ARK2C: variants seen among roughly 807,000 people sequenced by gnomAD.
ARK2C encodes E3 ubiquitin-protein ligase ARK2C.
chr18:46,421,068 A>C, the ARK2C span, among the ~76,000 whole-genome samples: 4 of 152,082 alleles, frequency 2.6e-5, no homozygotes, highest in African/African-American at 9.7e-5. Context: ...TGGGTCTGAA[A>C]TTGCTTCTTC....
chr18:46,385,519 C>G, the ARK2C span, among the ~76,000 whole-genome samples: 1 of 152,200 alleles, frequency 6.6e-6, no homozygotes, highest in Admixed American at 6.5e-5. Flanking sequence ...AGAGAACAGG[C>G]TCTGGAGCTC....
the ARK2C span, chr18:46,460,137 A>G: frequency 6.5e-6 from 1 of 152,708 alleles, no homozygotes; most frequent in Admixed American, 6.5e-5. Flanking sequence ...GCCTCCGTGC[A>G]AGTATTCTTA....
the ARK2C span, among the ~76,000 whole-genome samples, chr18:46,351,616 C>T: frequency 6.6e-6 from 1 of 152,300 alleles, no homozygotes; most frequent in Admixed American, 6.5e-5. Context: ...ATGAGGGGCA[C>T]ATCAGGGGCT....
chr18:46,337,415 A>T, the ARK2C span: 1 of 985,246 alleles, frequency 1.0e-6, no homozygotes, highest in Non-Finnish European at 1.2e-6. Flanking sequence ...ATTTTTTTAC[A>T]TCCCCCAGTT....
At chr18:46,400,344 G>A in the ARK2C span, among the ~76,000 whole-genome samples, 6 of 152,168 alleles carry the variant, frequency 3.9e-5, no homozygotes, top group South Asian at 2.1e-4. Flanking sequence ...TGTGTTCCCC[G>A]GAACAGGGAT....
At chr18:46,359,132 G>A in the ARK2C span, among the ~76,000 whole-genome samples, 9 of 152,322 alleles carry the variant, frequency 5.9e-5, no homozygotes, top group East Asian at 5.8e-4. Flanking sequence ...AGAGGAAGAC[G>A]TTAGAAGCTA....
the ARK2C span, among the ~76,000 whole-genome samples, chr18:46,369,196 T>C: frequency 1.3e-5 from 2 of 152,222 alleles, no homozygotes; most frequent in East Asian, 1.9e-4. Flanking sequence ...AAGCTTGTTG[T>C]ATCTAGAAGC....
chr18:46,446,670 C>CAAAAAAAAAAA, the ARK2C span, among the ~76,000 whole-genome samples: 1 of 34,396 alleles, frequency 2.9e-5, no homozygotes. Context: ...GACTCCATCT[C>CAAAAAAAAAAA]AAAAAAAAAA....
chr18:46,363,263 G>A, the ARK2C span, among the ~76,000 whole-genome samples: 1 of 152,214 alleles, frequency 6.6e-6, no homozygotes, highest in Admixed American at 6.5e-5. Context: ...CTGAAGATGA[G>A]CAGCACTCTT....
At chr18:46,412,513 G>C in the ARK2C span, among the ~76,000 whole-genome samples, 2 of 152,234 alleles carry the variant, frequency 1.3e-5, no homozygotes, top group Non-Finnish European at 1.5e-5. Flanking sequence ...GCCTCATACT[G>C]AGTGCAGCCC....
the ARK2C span, among the ~76,000 whole-genome samples, chr18:46,369,846 C>A: frequency 6.6e-6 from 1 of 152,198 alleles, no homozygotes; most frequent in Non-Finnish European, 1.5e-5. Context: ...CTCTTAAGAT[C>A]TTGGTATCAG....
chr18:46,384,463 G>A, the ARK2C span, among the ~76,000 whole-genome samples: 2 of 152,250 alleles, frequency 1.3e-5, no homozygotes, highest in African/African-American at 4.8e-5. Flanking sequence ...AATATATCTG[G>A]TGGCGACTTT....
the ARK2C span, among the ~76,000 whole-genome samples, chr18:46,382,552 T>G: frequency 1.3e-5 from 2 of 152,230 alleles, no homozygotes; most frequent in African/African-American, 4.8e-5. Flanking sequence ...TTTTACTTAC[T>G]ACTGAGAGTA....
the ARK2C span, among the ~76,000 whole-genome samples, chr18:46,340,067 T>C: frequency 6.6e-6 from 1 of 152,242 alleles, no homozygotes; most frequent in Non-Finnish European, 1.5e-5. Context: ...TTTGGTTCCC[T>C]CAATCCTACT....
the ARK2C span, chr18:46,336,934 A>G: frequency 1.0e-6 from 1 of 985,298 alleles, no homozygotes; most frequent in Admixed American, 6.1e-5. Flanking sequence ...TAGCCTCTGA[A>G]AACTTGGTGC....
At chr18:46,393,979 T>C in the ARK2C span, among the ~76,000 whole-genome samples, 1 of 152,214 alleles carries the variant, frequency 6.6e-6, no homozygotes. Flanking sequence ...GAGGATGCAG[T>C]GGGGCTGGCC....
chr18:46,431,505 A>C, the ARK2C span, among the ~76,000 whole-genome samples: 1 of 152,184 alleles, frequency 6.6e-6, no homozygotes, highest in Non-Finnish European at 1.5e-5. Flanking sequence ...AGCATCCCCC[A>C]GTTTCACCCT....
the ARK2C span, among the ~76,000 whole-genome samples, chr18:46,403,552 G>C: frequency 6.6e-5 from 10 of 152,248 alleles, no homozygotes; most frequent in East Asian, 1.9e-3. Flanking sequence ...CTTATTGAAT[G>C]CTTCCGTATG....
At chr18:46,397,280 C>T in the ARK2C span, among the ~76,000 whole-genome samples, 7 of 152,138 alleles carry the variant, frequency 4.6e-5, no homozygotes, top group African/African-American at 1.4e-4. Context: ...GAGATTCCTT[C>T]CAGATCAGGA....
Sources: gnomAD v4.1 joint callset for allele counts (sites outside exome capture counted in the v4.1 genomes callset) on GRCh38, gnomAD v4.1.1 for gene constraint, MANE v1.5 for transcripts, NCBI Gene and HGNC (gene_info 2026-07-23, HGNC 2026-07-21) for gene names.